ALK: variants seen among roughly 807,000 people sequenced by gnomAD.
ALK encodes the protein ALK tyrosine kinase receptor.
A neutral mutation model predicts 163.1 loss-of-function variants in ALK; 74 were observed. The observed-to-expected ratio is 0.45, with a 90% CI of 0.38 to 0.55. ALK has a LOEUF of 0.55. Ranked by LOEUF, ALK falls within the 20% of genes least tolerant of loss-of-function variation. The pLI, the probability that ALK is intolerant of heterozygous loss-of-function variation, is 0.00. For synonymous variants in ALK, 960 were observed against 843.2 expected (o/e 1.14, Z -2.40); for missense variants, 2,063 against 2,105.3 (o/e 0.98, Z 0.39).
intron 3 of ALK, among the ~76,000 whole-genome samples, chr2:29,598,365 T>TGTTG (rs1553336828): frequency 6.6e-6 from 1 of 151,424 alleles, no homozygotes; most frequent in Non-Finnish European, 1.5e-5. Context: ...GTTGTTTGTT[T>TGTTG]TTTGTTTGTT....
At chr2:29,221,702 A>C (rs772558110) in intron 22 of ALK, among the ~76,000 whole-genome samples, 21 of 152,158 alleles carry the variant, frequency 1.4e-4, no homozygotes, top group Non-Finnish European at 2.5e-4. Flanking sequence ...ACTTCCACCA[A>C]GGGGACATCC....
At chr2:29,744,121 G>T (rs1487995576) in intron 1 of ALK, among the ~76,000 whole-genome samples, 1 of 152,052 alleles carries the variant, frequency 6.6e-6, no homozygotes, top group Non-Finnish European at 1.5e-5. Flanking sequence ...CATGACCTTG[G>T]GACTAGCAGA....
chr2:29,233,177 C>G (rs909611719), intron 14 of ALK, among the ~76,000 whole-genome samples: 2 of 152,154 alleles, frequency 1.3e-5, no homozygotes, highest in Non-Finnish European at 1.5e-5. Context: ...GGGTCTTGCT[C>G]TATTGCTCAG....
intron 4 of ALK, among the ~76,000 whole-genome samples, chr2:29,469,179 G>A (rs961492026): frequency 6.6e-6 from 1 of 152,182 alleles, no homozygotes; most frequent in African/African-American, 2.4e-5. Flanking sequence ...TCTGAGTGGA[G>A]GAGTAGGCAC....
intron 3 of ALK, among the ~76,000 whole-genome samples, chr2:29,569,897 T>C (rs12623507): frequency 0.27 from 41,012 of 152,104 alleles, 6,419 homozygotes; most frequent in Non-Finnish European, 0.36. Context: ...ATTATAAGCT[T>C]GCTGATCACA....
intron 1 of ALK, among the ~76,000 whole-genome samples, chr2:29,859,203 G>A (rs1394390248): frequency 1.3e-5 from 2 of 152,186 alleles, no homozygotes; most frequent in Admixed American, 6.5e-5. Context: ...GTTATGTACT[G>A]GGGATAGGAA....
chr2:29,780,036 C>T (rs1350153491), intron 1 of ALK, among the ~76,000 whole-genome samples: 1 of 152,208 alleles, frequency 6.6e-6, no homozygotes, highest in Non-Finnish European at 1.5e-5. Context: ...CATTGTGGAC[C>T]AAGCATCCCA....
chr2:29,900,008 G>A (rs1667372413), intron 1 of ALK, among the ~76,000 whole-genome samples: 1 of 152,180 alleles, frequency 6.6e-6, no homozygotes, highest in Admixed American at 6.5e-5. Context: ...ATCATCATGG[G>A]CATCACAGCT....
At chr2:29,478,007 T>A (rs920353390) in intron 4 of ALK, among the ~76,000 whole-genome samples, 1 of 152,240 alleles carries the variant, frequency 6.6e-6, no homozygotes, top group Non-Finnish European at 1.5e-5. Flanking sequence ...GAGTTCAGTA[T>A]TGATGAGCTG....
At chr2:29,796,396 AG>A (rs1199872405) in intron 1 of ALK, among the ~76,000 whole-genome samples, 1 of 152,210 alleles carries the variant, frequency 6.6e-6, no homozygotes, top group Non-Finnish European at 1.5e-5. Context: ...AGACCAAAAA[AG>A]CTCCTTAAAT....
chr2:29,288,074 G>A (rs1420662722), intron 9 of ALK, among the ~76,000 whole-genome samples: 1 of 152,070 alleles, frequency 6.6e-6, no homozygotes, highest in Non-Finnish European at 1.5e-5. Flanking sequence ...AGGGATGGGT[G>A]AACTTGGTCC....
At chr2:29,897,629 A>G (rs1252600811) in intron 1 of ALK, among the ~76,000 whole-genome samples, 1 of 152,160 alleles carries the variant, frequency 6.6e-6, no homozygotes, top group Non-Finnish European at 1.5e-5. Flanking sequence ...TAAAGCCTCA[A>G]GACCTCCTCT....
At chr2:29,779,868 A>G (rs145475421) in intron 1 of ALK, among the ~76,000 whole-genome samples, 1 of 152,332 alleles carries the variant, frequency 6.6e-6, no homozygotes, top group East Asian at 1.9e-4. Flanking sequence ...ACATCGAGTA[A>G]AAACAGAGAT....
chr2:29,228,944 C>CCCCTT lies in ALK; in HGVS notation c.2754_2755insAAGGG (p.Gly919LysfsTer22). ...CCCCCTCCACCCCCTCCGAAACCCC[C>CCCCTT]TCTTGTCTCCCACCCCCACTTCTTC... is the stretch of plus-strand genomic sequence containing the variant. On this transcript the variant is annotated frameshift_variant, in exon 16 of 29. Transcript: ENST00000389048. LOFTEE classifies it high-confidence loss of function. 1 of 1,580,810 alleles carries CCCCTT rather than the reference C, an allele frequency of 6.3e-7. No individual in the cohort carries two copies. Among genetic ancestry groups the CCCCTT allele is most frequent in the South Asian group, 1.1e-5 (1 of 90,248 alleles).
intron 4 of ALK, among the ~76,000 whole-genome samples, chr2:29,451,623 C>T (rs944309221): frequency 5.3e-5 from 8 of 152,350 alleles, no homozygotes; most frequent in Middle Eastern, 6.8e-3. Flanking sequence ...TTAACCCCTG[C>T]TTCTCCAGGA....
At chr2:29,555,568 T>C (rs939437929) in intron 3 of ALK, among the ~76,000 whole-genome samples, 6 of 152,198 alleles carry the variant, frequency 3.9e-5, no homozygotes, top group African/African-American at 1.4e-4. Flanking sequence ...TCCACCTTTC[T>C]CTCCTTCCCC....
At chr2:29,783,692 T>C (rs375805118) in intron 1 of ALK, among the ~76,000 whole-genome samples, 1 of 152,164 alleles carries the variant, frequency 6.6e-6, no homozygotes, top group African/African-American at 2.4e-5. Context: ...TCAAAAAGCT[T>C]TGAAATATAA....
At chr2:29,837,278 T>C (rs920731985) in intron 1 of ALK, among the ~76,000 whole-genome samples, 28 of 152,190 alleles carry the variant, frequency 1.8e-4, no homozygotes, top group African/African-American at 6.0e-4. Context: ...AACATGGTCT[T>C]GCTGAGGCCA....
chr2:29,731,561 CAACAGGT>C (rs1679743404), intron 1 of ALK, among the ~76,000 whole-genome samples: 1 of 152,156 alleles, frequency 6.6e-6, no homozygotes, highest in Non-Finnish European at 1.5e-5. Context: ...GAGCTGCTGG[CAACAGGT>C]ATAACAGAAA....
Sources: gnomAD v4.1 joint callset for allele counts (sites outside exome capture counted in the v4.1 genomes callset) on GRCh38, gnomAD v4.1.1 for gene constraint, MANE v1.5 for transcripts, NCBI Gene and HGNC (gene_info 2026-07-23, HGNC 2026-07-21) for gene names.